KIZ: variants seen among roughly 807,000 people sequenced by gnomAD.
KIZ encodes centrosomal protein kizuna.
A neutral mutation model predicts 79.6 loss-of-function variants in KIZ; 68 were observed. That is an observed-to-expected ratio of 0.85 (90% CI 0.70 to 1.05). The LOEUF is 1.05. Ranked by LOEUF, KIZ falls within the 50% of genes least tolerant of loss-of-function variation. The pLI is 0.00. For missense variants in KIZ, 797 were observed against 800.4 expected (o/e 1.00, Z 0.05); for synonymous variants, 280 against 281.8 (o/e 0.99, Z 0.06).
intron 7 of KIZ, among the ~76,000 whole-genome samples, chr20:21,213,050 C>G (rs1165270764): frequency 6.6e-6 from 1 of 152,206 alleles, no homozygotes; most frequent in African/African-American, 2.4e-5. Context: ...ACACCAAGTT[C>G]TTTGGCCAAG....
rs185606905 is a variant in KIZ at position 21,205,616 on chromosome 20, A to G, written c.1446+32A>G. On this transcript the variant is annotated intron_variant, in intron 7 of 12. Transcript: ENST00000619189. ...AGCTAAACTGTCTGAAGTTTTCCCA[A>G]TCACAAATGTGGACCACAGGGTAAG... is the stretch of plus-strand genomic sequence containing the variant. The G allele has an allele frequency of 1.8e-3, 1,664 of 949,278 alleles. 2 individuals are homozygous for G. Among genetic ancestry groups the G allele is most frequent in the African/African-American group, 4.5e-3 (271 of 60,732 alleles). 58.8% of individuals were successfully genotyped at this position (949,278 alleles called of 1,614,324 possible). A position where few individuals can be genotyped will look rare whatever the true frequency, so the allele number is the denominator to read the frequency against.
intron 4 of KIZ, among the ~76,000 whole-genome samples, chr20:21,146,311 C>T (rs1359233909): frequency 2.6e-5 from 4 of 152,292 alleles, no homozygotes; most frequent in South Asian, 2.1e-4. Flanking sequence ...GTGAAACCCC[C>T]TCAGCCAGTC....
chr20:21,176,511 T>C (rs553342634), intron 6 of KIZ, among the ~76,000 whole-genome samples: 37 of 151,640 alleles, frequency 2.4e-4, no homozygotes, highest in Non-Finnish European at 5.0e-4. Flanking sequence ...TAAAGGACTA[T>C]TTACCTAGTA....
chr20:21,157,561 A>C (rs997528680), intron 4 of KIZ, among the ~76,000 whole-genome samples: 4 of 152,208 alleles, frequency 2.6e-5, no homozygotes, highest in Non-Finnish European at 5.9e-5. Flanking sequence ...AGCATTTACT[A>C]TAAGTACATC....
intron 6 of KIZ, among the ~76,000 whole-genome samples, chr20:21,189,120 AG>A (rs2035011913): frequency 1.3e-5 from 2 of 152,106 alleles, no homozygotes; most frequent in Admixed American, 6.6e-5. Context: ...CTGGGATTAG[AG>A]GTATGAGCCA....
chr20:21,132,195 G>A, intron 2 of KIZ, 36 bp downstream of exon 2: 2 of 999,988 alleles, frequency 2.0e-6, no homozygotes. Flanking sequence ...TTCAAGCCAG[G>A]TTCCATATAT....
At chr20:21,192,393 TCCTGCCTCACC>T (rs1183245907) in intron 6 of KIZ, among the ~76,000 whole-genome samples, 2 of 148,404 alleles carry the variant, frequency 1.3e-5, no homozygotes, top group Non-Finnish European at 3.0e-5. Context: ...CTAGCGATCC[TCCTGCCTCACC>T]CTTCTGAGTA....
At chr20:21,169,293 GA>G (rs1336439103) in intron 6 of KIZ, among the ~76,000 whole-genome samples, 1 of 151,942 alleles carries the variant, frequency 6.6e-6, no homozygotes, top group African/African-American at 2.4e-5. Context: ...CTTCTCAAAA[GA>G]AGACATTTAT....
At chr20:21,141,320 GTAT>G (rs1215678494) in intron 3 of KIZ, among the ~76,000 whole-genome samples, 1 of 152,192 alleles carries the variant, frequency 6.6e-6, no homozygotes, top group Non-Finnish European at 1.5e-5. Flanking sequence ...GGCACTGGGT[GTAT>G]TATTAAGCTA....
chr20:21,162,811 A>G, intron 5 of KIZ, 39 bp from the exon 6 acceptor site: 1 of 1,538,638 alleles, frequency 6.5e-7, no homozygotes, highest in Non-Finnish European at 8.9e-7. Context: ...TTCCTCCTGA[A>G]GTCAGTGATT....
intron 11 of KIZ, among the ~76,000 whole-genome samples, chr20:21,238,148 G>A (rs1450550885): frequency 6.6e-6 from 1 of 151,992 alleles, no homozygotes; most frequent in African/African-American, 2.4e-5. Context: ...TTAATCACCA[G>A]TGCTGGATAG....
chr20:21,131,976 G>A, intron 1 of KIZ, 121 bp from the exon 2 acceptor site: 2 of 593,488 alleles, frequency 3.4e-6, no homozygotes, highest in Non-Finnish European at 3.0e-6. Flanking sequence ...TGGTATTTGG[G>A]CTTTTTTTGA....
chr20:21,185,108 G>C (rs772484901), intron 6 of KIZ, among the ~76,000 whole-genome samples: 1 of 152,044 alleles, frequency 6.6e-6, no homozygotes, highest in Non-Finnish European at 1.5e-5. Context: ...GCACGTGCAC[G>C]TGCTTTCTGT....
chr20:21,231,851 T>C (rs746629590), intron 10 of KIZ, among the ~76,000 whole-genome samples: 21 of 152,186 alleles, frequency 1.4e-4, no homozygotes, highest in Non-Finnish European at 1.9e-4. Context: ...TCTTTGGACC[T>C]GAAGGAAAGC....
At chr20:21,126,019 G>T (rs886065633), upstream of KIZ, 5 of 1,335,602 alleles carry the variant, frequency 3.7e-6, no homozygotes, top group Non-Finnish European at 4.8e-6. Context: ...GGCCCGGCGC[G>T]GTGTTTACCC....
At chr20:21,183,869 G>A (rs1267349892) in intron 6 of KIZ, among the ~76,000 whole-genome samples, 3 of 152,118 alleles carry the variant, frequency 2.0e-5, no homozygotes, top group Admixed American at 6.5e-5. Context: ...GATCTACTCC[G>A]TCTGGATCAA....
At chr20:21,193,756 C>CA (rs939633180) in intron 6 of KIZ, among the ~76,000 whole-genome samples, 1 of 147,520 alleles carries the variant, frequency 6.8e-6, no homozygotes, top group African/African-American at 2.5e-5. Flanking sequence ...ATCGCAAGGA[C>CA]AAAAAACCAA....
intron 6 of KIZ, among the ~76,000 whole-genome samples, chr20:21,190,354 C>T (rs2035058597): frequency 6.6e-6 from 1 of 152,184 alleles, no homozygotes; most frequent in Non-Finnish European, 1.5e-5. Context: ...TTCTCAATAG[C>T]CATTTACACC....
chr20:21,127,403 A>C (rs1051304359), intron 1 of KIZ, among the ~76,000 whole-genome samples: 2 of 152,216 alleles, frequency 1.3e-5, no homozygotes, highest in Non-Finnish European at 2.9e-5. Context: ...TTTTTGAACT[A>C]TTAATTGTAA....
Sources: gnomAD v4.1 joint callset for allele counts (sites outside exome capture counted in the v4.1 genomes callset) on GRCh38, gnomAD v4.1.1 for gene constraint, MANE v1.5 for transcripts, NCBI Gene and HGNC (gene_info 2026-07-23, HGNC 2026-07-21) for gene names.